Variants in RARB observed in about 807,000 individuals in gnomAD.
The protein encoded by RARB is retinoic acid receptor beta, also known as HBV-activated protein.
In RARB, 17 loss-of-function variants were observed where a neutral mutation model predicts 51.9. The observed-to-expected ratio is 0.33, with a 90% CI of 0.22 to 0.49. RARB has a LOEUF of 0.49. Ranked by LOEUF, RARB falls within the 20% of genes least tolerant of loss-of-function variation. The pLI, the probability that RARB is intolerant of heterozygous loss-of-function variation, is 0.99. For synonymous variants in RARB, 215 were observed against 195.4 expected (o/e 1.10, Z -0.84); for missense variants, 369 against 550.8 (o/e 0.67, Z 3.30).
chr3:25,153,294 C>T (rs778065700), intron 4 of RARB, among the ~76,000 whole-genome samples: 3 of 152,176 alleles, frequency 2.0e-5, no homozygotes, highest in Non-Finnish European at 4.4e-5. Context: ...TGCACGTCAT[C>T]CGCAGACTTT....
intron 2 of RARB, among the ~76,000 whole-genome samples, chr3:24,897,468 A>C (rs1055774839): frequency 6.6e-6 from 1 of 152,166 alleles, no homozygotes; most frequent in African/African-American, 2.4e-5. Flanking sequence ...TTTTAATAAA[A>C]ATTTCATCAC....
chr3:25,350,045 A>C (rs147264778), intron 5 of RARB, among the ~76,000 whole-genome samples: 2 of 152,122 alleles, frequency 1.3e-5, no homozygotes, highest in Admixed American at 1.3e-4. Context: ...TCGGGGTAGT[A>C]GGGCTTCTTA....
At chr3:25,516,777 C>T (rs1480725829) in intron 3 of RARB, among the ~76,000 whole-genome samples, 1 of 152,030 alleles carries the variant, frequency 6.6e-6, no homozygotes, top group Non-Finnish European at 1.5e-5. Flanking sequence ...TAAGCATACA[C>T]CTCCACACCC....
At chr3:24,922,907 T>C (rs1211297792) in intron 2 of RARB, among the ~76,000 whole-genome samples, 1 of 152,180 alleles carries the variant, frequency 6.6e-6, no homozygotes, top group Non-Finnish European at 1.5e-5. Flanking sequence ...AATAAAATCT[T>C]GGGACAGCTA....
chr3:25,131,556 G>A (rs1049672690), intron 3 of RARB, among the ~76,000 whole-genome samples: 2 of 151,802 alleles, frequency 1.3e-5, no homozygotes, highest in Non-Finnish European at 2.9e-5. Flanking sequence ...AAACCTGTCT[G>A]GCATGCTATA....
chr3:25,209,657 A>G (rs768992795), intron 5 of RARB, among the ~76,000 whole-genome samples: 4 of 152,216 alleles, frequency 2.6e-5, no homozygotes, highest in Non-Finnish European at 5.9e-5. Context: ...ACGGTTGTGC[A>G]GAGCAGACCT....
In RARB at chr3:25,565,869, C is replaced by T. The variant is rs1003946763; in HGVS notation, c.449-3889C>T. ...CTCCATGCAGGTGCTACTGCCATCTCGGGGGAGGCTCTGAAAGGAGCTGTC... is the reference window on the plus strand; with the variant it reads ...CTCCATGCAGGTGCTACTGCCATCTTGGGGGAGGCTCTGAAAGGAGCTGTC... On this transcript the variant is annotated intron_variant, in intron 3 of 7. Transcript: ENST00000330688. 1.1e-4 allele frequency among the ~76,000 whole-genome samples: 16 copies of T among 152,302 alleles called. No homozygotes were observed. In the East Asian group the frequency reaches 1.2e-3, roughly 11 times the overall value.
chr3:25,012,742 T>A (rs1477943870), intron 2 of RARB, among the ~76,000 whole-genome samples: 6 of 152,092 alleles, frequency 3.9e-5, no homozygotes, highest in African/African-American at 1.4e-4. Context: ...AAGTAATCTA[T>A]GCAAATAAAG....
At position 25,470,809 on chromosome 3, in the gene RARB, TAAGTCATTATTACC is replaced by T. The variant is rs533013884; in HGVS notation, c.306+9492_306+9505del. The stretch of plus-strand genomic sequence containing the variant: ...TTGTAGCACTTAACACAATTGAAAT[TAAGTCATTATTACC>T]AAGTCATTATTACCAAGTCATTAGT... On this transcript the variant is annotated intron_variant, in intron 2 of 7. Coordinates refer to ENST00000330688, the MANE Select transcript of RARB (RefSeq NM_000965.5). 2.8e-3 allele frequency among the ~76,000 whole-genome samples: 424 copies of T among 152,210 alleles called. 2 individuals are homozygous for T. The highest frequency in any genetic ancestry group is 9.4e-3 in the Admixed American group (144 of 15,290).
At chr3:25,229,304 A>G (rs1389679788) in intron 5 of RARB, among the ~76,000 whole-genome samples, 1 of 152,130 alleles carries the variant, frequency 6.6e-6, no homozygotes, top group African/African-American at 2.4e-5. Flanking sequence ...AAGAAAGATA[A>G]TATACATAAC....
chr3:24,992,996 G>A, intron 2 of RARB, among the ~76,000 whole-genome samples: 1 of 151,960 alleles, frequency 6.6e-6, no homozygotes, highest in East Asian at 1.9e-4. Flanking sequence ...CATATTTAGT[G>A]AATTTACTTA....
At chr3:24,898,024 A>T (rs1209758636) in intron 2 of RARB, among the ~76,000 whole-genome samples, 1 of 152,168 alleles carries the variant, frequency 6.6e-6, no homozygotes, top group African/African-American at 2.4e-5. Flanking sequence ...GAGGAAAGAA[A>T]GACTTTAGAC....
At chr3:25,444,684 A>C (rs1458295748) in intron 1 of RARB, among the ~76,000 whole-genome samples, 1 of 152,228 alleles carries the variant, frequency 6.6e-6, no homozygotes, top group Non-Finnish European at 1.5e-5. Flanking sequence ...GGGCAGGAAG[A>C]TTCAATGTAT....
At chr3:25,222,784 T>C (rs1273270462) in intron 5 of RARB, among the ~76,000 whole-genome samples, 1 of 152,214 alleles carries the variant, frequency 6.6e-6, no homozygotes. Flanking sequence ...TACAGTAACA[T>C]TCTTCATAGT....
intron 2 of RARB, among the ~76,000 whole-genome samples, chr3:24,887,226 T>G (rs1295127867): frequency 6.6e-6 from 1 of 152,222 alleles, no homozygotes; most frequent in African/African-American, 2.4e-5. Context: ...AAGAAAACTT[T>G]CAAGGCGGCG....
At chr3:25,226,892 C>G (rs1702067553) in intron 5 of RARB, among the ~76,000 whole-genome samples, 1 of 152,214 alleles carries the variant, frequency 6.6e-6, no homozygotes, top group East Asian at 1.9e-4. Flanking sequence ...TCTGTGGTTT[C>G]TCTCACAATT....
chr3:25,160,477 C>T (rs1700455850), intron 4 of RARB, among the ~76,000 whole-genome samples: 1 of 152,120 alleles, frequency 6.6e-6, no homozygotes, highest in Admixed American at 6.5e-5. Flanking sequence ...TGAGCATCTT[C>T]AAGTTTCTCT....
intron 5 of RARB, among the ~76,000 whole-genome samples, chr3:25,353,496 C>A (rs1314287760): frequency 6.6e-6 from 1 of 151,704 alleles, no homozygotes; most frequent in Non-Finnish European, 1.5e-5. Context: ...TTATCTGAGT[C>A]CAGTTATTTT....
At position 25,106,453 on chromosome 3, in the gene RARB, T is replaced by TTTG. The variant is rs1553633571; in HGVS notation, c.-327-25706_-327-25705insGTT. On this transcript the variant is annotated intron_variant, in intron 3 of 11. Coordinates refer to the RARB transcript ENST00000383772. ...ACCATGCCCAGCTACTGTTTTTTGT[T>TTTG]TTTTGTTTTTTTTTGTTTTGTTTTT... Among the ~76,000 whole-genome samples, 672 of 87,358 alleles carry TTTG rather than the reference T, an allele frequency of 7.7e-3. 37 individuals carry two copies. The highest frequency in any genetic ancestry group is 0.022 in the Middle Eastern group (4 of 182). The allele number at this position is 87,358 out of a possible 152,430, so 57.3% of individuals were successfully genotyped here.
Sources: allele counts gnomAD v4.1 joint callset (sites outside exome capture counted in the v4.1 genomes callset), GRCh38; gene constraint gnomAD v4.1.1; transcripts MANE v1.5; gene names NCBI Gene and HGNC (gene_info 2026-07-23, HGNC 2026-07-21).